The following GPRIN3 variants were observed in gnomAD, a reference collection of about 807,000 sequenced individuals.
GPRIN3 encodes the protein G protein-regulated inducer of neurite outgrowth 3.
A neutral mutation model predicts 13.7 loss-of-function variants in GPRIN3; 12 were observed. The ratio of observed to expected loss-of-function variants is 0.87; its 90% CI spans 0.56 to 1.42. The LOEUF is 1.42. Among genes scored for constraint, GPRIN3 ranks in the 40% most tolerant of loss-of-function variants. The probability of loss-of-function intolerance (pLI) is 0.00; values close to 1 mark genes in which losing one functional copy is unlikely to be tolerated. For missense variants in GPRIN3, 1,009 were observed against 958.7 expected (o/e 1.05, Z -0.69); for synonymous variants, 377 against 372.7 (o/e 1.01, Z -0.13).
Position 89,248,505 on chromosome 4 carries a change from T to C in GPRIN3, c.1606A>G (p.Arg536Gly), listed in dbSNP as rs1257223643. 3 of 1,613,008 alleles carry C rather than the reference T, an allele frequency of 1.9e-6. No homozygotes were observed. Among genetic ancestry groups the C allele is most frequent in the African/African-American group, 2.7e-5 (2 of 74,830 alleles). The change falls in exon 2 of 2, where the codon AGG (arginine) becomes GGG (glycine). Residue 536 changes from arginine (R) to glycine (G), a missense_variant. Transcript: ENST00000609438. ...TGAGGAGATGCAGGCTTCTTTTCCC[T>C]TGCATCTCCTTTATTAGTGGGATCC... The part of the protein sequence containing the change: ...SLDPTNKGDA[R>G]EKKPASPQVV...
At position 89,248,474 on chromosome 4, in the gene GPRIN3, A is replaced by G. The variant is rs138672827; in HGVS notation, c.1637T>C (p.Val546Ala). Reference sequence around the variant, plus strand: ...AGTGCCAGTAGACTCTTTTTCTTTTACTACCTGAGGAGATGCAGGCTTCTT... The same window carrying G: ...AGTGCCAGTAGACTCTTTTTCTTTTGCTACCTGAGGAGATGCAGGCTTCTT... ...REKKPASPQV[V>A]KEKESTGTDT... is the part of the protein sequence containing the mutation. Residue 546 changes from valine to alanine, a missense_variant, in exon 2 of 2, where the codon GTA (valine) becomes GCA (alanine). Physicochemically the swap from Val to Ala is moderately conservative, Grantham distance 64. Coordinates refer to ENST00000609438, the MANE Select transcript of GPRIN3 (RefSeq NM_198281.3). 5.1e-5 allele frequency: 83 copies of G among 1,612,468 alleles called. No homozygotes were observed. The African/African-American group carries it at 9.5e-4, about 18-fold the overall frequency.
In GPRIN3 at chr4:89,248,845, T is replaced by G; in HGVS notation, c.1266A>C (p.Ser422=). The change falls in exon 2 of 2, where the codon TCA becomes TCC. Residue 422 remains serine, a synonymous_variant. Transcript: ENST00000609438. ...SLPGGVLKTS[S]INLVSSNAQH... is the part of the protein sequence containing the mutation. The stretch of plus-strand genomic sequence containing the variant: ...GGGCATTACTGGAGACCAAATTGAT[T>G]GATGAGGTTTTAAGGACCCCACCTG... The G allele has an allele frequency of 6.2e-7, 1 of 1,614,208 alleles. No individual in the cohort carries two copies. The highest frequency in any genetic ancestry group is 8.5e-7 in the Non-Finnish European group (1 of 1,180,016).
At chr4:89,251,000 A>G (rs904532618) in intron 1 of GPRIN3, 2 of 152,194 alleles carry the variant, frequency 1.3e-5, no homozygotes, top group Non-Finnish European at 2.9e-5. Flanking sequence ...CCTGAATTTT[A>G]TGGCATGACA....
At chr4:89,273,846 C>T (rs4399946) in intron 1 of GPRIN3, among the ~76,000 whole-genome samples, 17,221 of 152,198 alleles carry the variant, frequency 0.11, 1,238 homozygotes, top group African/African-American at 0.2. Context: ...TGTTATGGTA[C>T]GTGTCCCTCC....
intron 1 of GPRIN3, among the ~76,000 whole-genome samples, chr4:89,274,168 GCAACACGC>G (rs1481175857): frequency 2.6e-5 from 4 of 152,194 alleles, no homozygotes; most frequent in African/African-American, 9.7e-5. Context: ...AGCACGTACA[GCAACACGC>G]CAAATAAATG....
At position 89,247,813 on chromosome 4, in the gene GPRIN3, G is replaced by A. The variant is rs759865312; in HGVS notation, c.2298C>T (p.Cys766=). 4.3e-6 allele frequency: 7 copies of A among 1,613,454 alleles called. No individual in the cohort carries two copies. The highest frequency in any genetic ancestry group is 3.3e-5 in the South Asian group (3 of 91,054). The change falls in exon 2 of 2, where the codon TGC becomes TGT. Residue 766 remains cysteine (C), a synonymous_variant. Coordinates refer to ENST00000609438, the MANE Select transcript of GPRIN3 (RefSeq NM_198281.3). ...MLQNFRRPNC[C]VRPAPSSVLD ...ACACAGAAGACGGGGCAGGACGGAC[G>A]CAGCAGTTGGGGCGTCGGAAGTTCT...
chr4:89,268,825 C>A (rs1723851414), intron 1 of GPRIN3, among the ~76,000 whole-genome samples: 1 of 152,062 alleles, frequency 6.6e-6, no homozygotes, highest in Non-Finnish European at 1.5e-5. Context: ...ATATTCACAC[C>A]CCAGAATTTG....
In GPRIN3 at chr4:89,245,323, C is replaced by T. The variant is rs1723064160; in HGVS notation, c.*2457G>A. On this transcript the variant is annotated 3_prime_UTR_variant, in exon 2 of 2. Coordinates refer to ENST00000609438, the MANE Select transcript of GPRIN3 (RefSeq NM_198281.3). The stretch of plus-strand genomic sequence containing the variant: ...GTTGTAGAAGTGAAGAATTTGGTCC[C>T]AGCACCAAAGAAAATCAGTTAAACT... 1 of 152,170 alleles carries T rather than the reference C, an allele frequency of 6.6e-6. No homozygotes were observed. Among genetic ancestry groups the T allele is most frequent in the Non-Finnish European group, 1.5e-5 (1 of 68,036 alleles). 9.4% of individuals were successfully genotyped at this position (152,170 alleles called of 1,614,324 possible).
chr4:89,283,702 G>A (rs1056067360), intron 1 of GPRIN3, among the ~76,000 whole-genome samples: 1 of 152,164 alleles, frequency 6.6e-6, no homozygotes, highest in Non-Finnish European at 1.5e-5. Flanking sequence ...CAGCAATGCT[G>A]CCTTGAAAAC....
intron 1 of GPRIN3, among the ~76,000 whole-genome samples, chr4:89,294,565 C>T (rs1724677716): frequency 1.3e-5 from 2 of 152,094 alleles, no homozygotes; most frequent in Non-Finnish European, 2.9e-5. Flanking sequence ...ATTTTTACAT[C>T]CTCCCATACT....
chr4:89,293,377 C>CAAA lies in GPRIN3; in HGVS notation c.-124+14237_-124+14238insTTT, dbSNP rs200944606. On this transcript the variant is annotated intron_variant, in intron 1 of 1. Coordinates refer to ENST00000609438, the MANE Select transcript of GPRIN3 (RefSeq NM_198281.3). ...TGGCTACAAAGGAAATTTGTGTGAC[C>CAAA]TTTGGAAGGTAAAAGTGAAACAGCA... 5.5e-4 allele frequency among the ~76,000 whole-genome samples: 84 copies of CAAA among 152,280 alleles called. No individual in the cohort carries two copies. In the East Asian group the frequency reaches 0.014, roughly 26 times the overall value.
intron 1 of GPRIN3, among the ~76,000 whole-genome samples, chr4:89,262,672 G>A (rs1723666062): frequency 6.6e-6 from 1 of 152,174 alleles, no homozygotes; most frequent in Non-Finnish European, 1.5e-5. Flanking sequence ...TCCAAGCTGG[G>A]CAATGTGAGT....
At chr4:89,295,176 G>A (rs1724697872) in intron 1 of GPRIN3, among the ~76,000 whole-genome samples, 1 of 152,150 alleles carries the variant, frequency 6.6e-6, no homozygotes. Context: ...TTTCTAGCTA[G>A]GAAATGTAGA....
In GPRIN3 at chr4:89,247,746, A is replaced by G. The variant is rs1316697811; in HGVS notation, c.*34T>C. 2.0e-5 allele frequency: 32 copies of G among 1,561,666 alleles called. No homozygotes were observed. Among genetic ancestry groups the G allele is most frequent in the Non-Finnish European group, 2.8e-5 (32 of 1,151,796 alleles). On this transcript the variant is annotated 3_prime_UTR_variant, in exon 2 of 2. Coordinates refer to ENST00000609438, the MANE Select transcript of GPRIN3 (RefSeq NM_198281.3). The stretch of plus-strand genomic sequence containing the variant: ...ATAGAGGGACGCATGTGAATACCGT[A>G]AATTTATACACAAACTCCCATAAAT...
At chr4:89,256,269 T>A (rs1326840322) in intron 1 of GPRIN3, among the ~76,000 whole-genome samples, 1 of 152,156 alleles carries the variant, frequency 6.6e-6, no homozygotes, top group Non-Finnish European at 1.5e-5. Context: ...AACCTTCTAT[T>A]TGCAAGTGAT....
intron 1 of GPRIN3, among the ~76,000 whole-genome samples, chr4:89,260,131 G>C (rs1396054297): frequency 6.6e-6 from 1 of 152,166 alleles, no homozygotes; most frequent in Non-Finnish European, 1.5e-5. Flanking sequence ...AATCACATTG[G>C]AGGATGGAAA....
intron 1 of GPRIN3, among the ~76,000 whole-genome samples, chr4:89,253,636 T>C (rs1221210022): frequency 6.6e-6 from 1 of 152,240 alleles, no homozygotes; most frequent in Non-Finnish European, 1.5e-5. Flanking sequence ...CTGTGTTTAC[T>C]TCCATTTCCA....
intron 1 of GPRIN3, among the ~76,000 whole-genome samples, chr4:89,256,344 C>T (rs902076698): frequency 4.6e-5 from 7 of 152,224 alleles, no homozygotes; most frequent in African/African-American, 1.7e-4. Flanking sequence ...AACTGGTCAC[C>T]TTAGGGAAAG....
chr4:89,255,914 G>A (rs1723452436), intron 1 of GPRIN3, among the ~76,000 whole-genome samples: 1 of 152,204 alleles, frequency 6.6e-6, no homozygotes, highest in Non-Finnish European at 1.5e-5. Flanking sequence ...TTATCTTTAA[G>A]TTTAATGGGA....
Sources: gnomAD v4.1 joint callset for allele counts (sites outside exome capture counted in the v4.1 genomes callset) on GRCh38, gnomAD v4.1.1 for gene constraint, MANE v1.5 for transcripts, NCBI Gene and HGNC (gene_info 2026-07-23, HGNC 2026-07-21) for gene names.